Variants in FAM185A observed in about 807,000 individuals in gnomAD.
FAM185A encodes protein FAM185A.
Under a neutral mutation model 45.7 loss-of-function variants are expected in FAM185A, and 21 were observed. That is an observed-to-expected ratio of 0.46 (90% CI 0.33 to 0.66). The LOEUF is 0.66. Ranked by LOEUF, FAM185A falls within the 30% of genes least tolerant of loss-of-function variation. FAM185A has a pLI of 0.03. For missense variants in FAM185A, 305 were observed against 485.4 expected (o/e 0.63, Z 3.49); for synonymous variants, 117 against 194.0 (o/e 0.60, Z 3.30).
intron 7 of FAM185A, among the ~76,000 whole-genome samples, chr7:102,798,354 C>A (rs1160723976): frequency 6.6e-6 from 1 of 152,182 alleles, no homozygotes; most frequent in African/African-American, 2.4e-5. Flanking sequence ...AAAGAAGTTT[C>A]AGTAAATTAC....
the FAM185A span, among the ~76,000 whole-genome samples, chr7:102,826,724 C>CTCATATATATATAT: frequency 1.6e-5 from 1 of 62,712 alleles, no homozygotes; most frequent in African/African-American, 4.6e-5. Flanking sequence ...GACCCTGTCT[C>CTCATATATATATAT]ATATATATAT....
At chr7:102,786,591 C>G (rs1159986076) in intron 6 of FAM185A, among the ~76,000 whole-genome samples, 1 of 152,164 alleles carries the variant, frequency 6.6e-6, no homozygotes, top group Non-Finnish European at 1.5e-5. Flanking sequence ...AAAAACCAAA[C>G]ACCACATGTT....
chr7:102,766,294 T>C (rs1163803376), intron 4 of FAM185A, among the ~76,000 whole-genome samples: 1 of 152,294 alleles, frequency 6.6e-6, no homozygotes, highest in African/African-American at 2.4e-5. Context: ...AATTAGGCTC[T>C]ATTTTAAGTT....
intron 3 of FAM185A, among the ~76,000 whole-genome samples, chr7:102,759,224 T>C (rs1297065576): frequency 3.3e-5 from 5 of 152,108 alleles, no homozygotes; most frequent in South Asian, 4.1e-4. Flanking sequence ...TACTAGAATA[T>C]TGTAACATTT....
At chr7:102,813,702 G>C (rs749406860), downstream of FAM185A, among the ~76,000 whole-genome samples, 26 of 144,940 alleles carry the variant, frequency 1.8e-4, no homozygotes, top group Non-Finnish European at 3.2e-4. Flanking sequence ...AAATAAACAG[G>C]GTCCCAAAGC....
chr7:102,780,718 C>G (rs968142757), intron 6 of FAM185A, among the ~76,000 whole-genome samples: 3 of 152,174 alleles, frequency 2.0e-5, no homozygotes, highest in African/African-American at 7.2e-5. Flanking sequence ...CTCCAGTCTA[C>G]AGCTGCCAGC....
chr7:102,774,680 T>G (rs538629670), intron 5 of FAM185A, among the ~76,000 whole-genome samples: 2 of 152,308 alleles, frequency 1.3e-5, no homozygotes, highest in East Asian at 3.9e-4. Context: ...TCAAACACAT[T>G]TCCTGAATTT....
At chr7:102,778,508 T>G (rs1307132527) in intron 6 of FAM185A, among the ~76,000 whole-genome samples, 1 of 152,266 alleles carries the variant, frequency 6.6e-6, no homozygotes, top group Non-Finnish European at 1.5e-5. Flanking sequence ...TACAAATAAT[T>G]TAATGTTTTG....
At chr7:102,760,609 A>C (rs537707889) in intron 3 of FAM185A, among the ~76,000 whole-genome samples, 9 of 152,196 alleles carry the variant, frequency 5.9e-5, no homozygotes, top group African/African-American at 1.7e-4. Flanking sequence ...ATCTATAGCA[A>C]ACATCATGCT....
intron 5 of FAM185A, among the ~76,000 whole-genome samples, chr7:102,775,911 C>T (rs368739249): frequency 2.6e-5 from 4 of 152,166 alleles, no homozygotes; most frequent in African/African-American, 4.8e-5. Flanking sequence ...CATTTCCCAA[C>T]GTCAGTGTTA....
chr7:102,758,019 T>G (rs1159994271), intron 3 of FAM185A, 73 bp downstream of exon 3: 2 of 1,538,210 alleles, frequency 1.3e-6, no homozygotes, highest in African/African-American at 1.4e-5. Flanking sequence ...AGTTGGTAGG[T>G]TCTACAAAGT....
chr7:102,832,761 C>A, the FAM185A span: 3 of 1,556,022 alleles, frequency 1.9e-6, no homozygotes, highest in South Asian at 2.4e-5. Flanking sequence ...TATTCTGAGT[C>A]CAGCCCTGAT....
At chr7:102,840,953 T>C in the FAM185A span, among the ~76,000 whole-genome samples, 3 of 152,166 alleles carry the variant, frequency 2.0e-5, no homozygotes, top group Non-Finnish European at 1.5e-5. Context: ...ATCCTATCTA[T>C]GATGTATGTG....
chr7:102,799,984 G>T (rs1229073030), intron 7 of FAM185A, among the ~76,000 whole-genome samples: 1 of 152,148 alleles, frequency 6.6e-6, no homozygotes, highest in Non-Finnish European at 1.5e-5. Flanking sequence ...ACCCTCTGAA[G>T]GAAGCAGATT....
the FAM185A span, among the ~76,000 whole-genome samples, chr7:102,825,722 G>A: frequency 6.6e-6 from 1 of 152,160 alleles, no homozygotes; most frequent in African/African-American, 2.4e-5. Flanking sequence ...ATAAAAAAAT[G>A]TGCAATTTGG....
the FAM185A span, among the ~76,000 whole-genome samples, chr7:102,821,151 C>A: frequency 2.6e-5 from 4 of 152,142 alleles, no homozygotes. Flanking sequence ...ACTCCTAGGA[C>A]CCTATTTCAT....
At chr7:102,760,478 A>G (rs1396229792) in intron 3 of FAM185A, among the ~76,000 whole-genome samples, 1 of 152,146 alleles carries the variant, frequency 6.6e-6, no homozygotes, top group Non-Finnish European at 1.5e-5. Flanking sequence ...ATAAATCAAT[A>G]GAATCAGATA....
downstream of FAM185A, among the ~76,000 whole-genome samples, chr7:102,813,908 C>T (rs1037915389): frequency 1.3e-5 from 2 of 152,130 alleles, no homozygotes; most frequent in African/African-American, 2.4e-5. Context: ...GCTGACCATG[C>T]ACCAGGCCAG....
chr7:102,800,572 G>C (rs1796728482), intron 7 of FAM185A, among the ~76,000 whole-genome samples: 1 of 152,094 alleles, frequency 6.6e-6, no homozygotes, highest in Non-Finnish European at 1.5e-5. Flanking sequence ...TCAGGAAACA[G>C]ACACACTTAT....
Sources: allele counts gnomAD v4.1 joint callset (sites outside exome capture counted in the v4.1 genomes callset), GRCh38; gene constraint gnomAD v4.1.1; transcripts MANE v1.5; gene names NCBI Gene and HGNC (gene_info 2026-07-23, HGNC 2026-07-21).